Variants in GNAQ observed in about 807,000 individuals in gnomAD.
GNAQ encodes G protein subunit alpha q.
GNAQ carries 8 observed loss-of-function variants against 43.9 expected under a neutral mutation model. That is an observed-to-expected ratio of 0.18 (90% CI 0.11 to 0.33). The LOEUF (loss-of-function observed/expected upper bound fraction) is 0.33. Among genes scored for constraint, GNAQ ranks in the 10% least tolerant of loss-of-function variants. The probability of loss-of-function intolerance (pLI) is 1.00; values close to 1 mark genes in which losing one functional copy is unlikely to be tolerated. For synonymous variants in GNAQ, 155 were observed against 170.7 expected (o/e 0.91, Z 0.71); for missense variants, 158 against 450.8 (o/e 0.35, Z 5.88).
intron 5 of GNAQ, among the ~76,000 whole-genome samples, chr9:77,753,887 A>C (rs898768789): frequency 2.6e-5 from 4 of 152,204 alleles, no homozygotes; most frequent in Non-Finnish European, 5.9e-5. Flanking sequence ...ACATTAAATT[A>C]CCCTGTGTAC....
chr9:77,777,007 A>C (rs1826314972), intron 5 of GNAQ, among the ~76,000 whole-genome samples: 1 of 152,110 alleles, frequency 6.6e-6, no homozygotes, highest in Non-Finnish European at 1.5e-5. Context: ...ACTACAAAAG[A>C]CAGTGTGGTA....
intron 1 of GNAQ, among the ~76,000 whole-genome samples, chr9:77,958,817 A>G (rs184962983): frequency 6.6e-6 from 1 of 152,286 alleles, no homozygotes; most frequent in Admixed American, 6.5e-5. Flanking sequence ...ACCACCAGCT[A>G]TGCAAAACAA....
At chr9:77,986,555 G>C (rs1288377185) in intron 1 of GNAQ, among the ~76,000 whole-genome samples, 1 of 152,146 alleles carries the variant, frequency 6.6e-6, no homozygotes. Context: ...GCCCAGGCTA[G>C]AGTGCAGTGG....
At chr9:78,002,645 C>T (rs575838089) in intron 1 of GNAQ, among the ~76,000 whole-genome samples, 44 of 152,278 alleles carry the variant, frequency 2.9e-4, no homozygotes, top group Non-Finnish European at 2.2e-4. Flanking sequence ...CAATCTTACC[C>T]GCAGGTAAAT....
intron 1 of GNAQ, among the ~76,000 whole-genome samples, chr9:77,999,694 T>C (rs1209876797): frequency 1.3e-5 from 2 of 152,222 alleles, no homozygotes; most frequent in East Asian, 3.8e-4. Flanking sequence ...CCTAGGACTG[T>C]GCTAGGAGCT....
intron 1 of GNAQ, among the ~76,000 whole-genome samples, chr9:77,965,268 CCT>C (rs1316942029): frequency 6.6e-6 from 1 of 152,048 alleles, no homozygotes; most frequent in Admixed American, 6.6e-5. Flanking sequence ...ACGAATCAAC[CCT>C]GTCCCCTCAC....
At chr9:77,774,079 T>C (rs968824643) in intron 5 of GNAQ, among the ~76,000 whole-genome samples, 1 of 152,174 alleles carries the variant, frequency 6.6e-6, no homozygotes, top group Non-Finnish European at 1.5e-5. Flanking sequence ...GTGGTCCACA[T>C]TCCTCTGGCT....
At chr9:77,890,014 A>G (rs1243241396) in intron 2 of GNAQ, among the ~76,000 whole-genome samples, 1 of 152,236 alleles carries the variant, frequency 6.6e-6, no homozygotes, top group African/African-American at 2.4e-5. Context: ...TACTCCTTTT[A>G]TCTACTCGCT....
chr9:77,962,892 C>CAAAAAAAAAAAAAAAAAAA (rs538653191), intron 1 of GNAQ, among the ~76,000 whole-genome samples: 2 of 55,240 alleles, frequency 3.6e-5, no homozygotes, highest in Non-Finnish European at 3.7e-5. Context: ...AACTTAGTCT[C>CAAAAAAAAAAAAAAAAAAA]AAAAAAAAAA....
Position 77,716,690 on chromosome 9 carries a change from T to C in GNAQ, c.*4633A>G. The C allele has an allele frequency of 4.3e-6, 1 of 232,976 alleles. No individual in the cohort carries two copies. 14.4% of individuals were successfully genotyped at this position (232,976 alleles called of 1,614,324 possible). On this transcript the variant is annotated 3_prime_UTR_variant, in exon 7 of 7. Transcript: ENST00000286548. The stretch of plus-strand genomic sequence containing the variant: ...TTTTTCTGTCTACCAAAAGCTTATA[T>C]AAAAGTCAGAATTTCTTTATCCAAG...
At chr9:77,916,507 T>G (rs746855202) in intron 2 of GNAQ, among the ~76,000 whole-genome samples, 32 of 152,282 alleles carry the variant, frequency 2.1e-4, no homozygotes, top group Admixed American at 8.5e-4. Flanking sequence ...ATTCAGGAAG[T>G]ACAGAAAATT....
intron 2 of GNAQ, among the ~76,000 whole-genome samples, chr9:77,874,256 G>A (rs991235218): frequency 2.0e-5 from 3 of 152,056 alleles, no homozygotes; most frequent in African/African-American, 7.2e-5. Flanking sequence ...GCTTCCCTTG[G>A]GTAAGTCCAT....
At chr9:77,970,378 T>C (rs1482996074) in intron 1 of GNAQ, among the ~76,000 whole-genome samples, 1 of 152,156 alleles carries the variant, frequency 6.6e-6, no homozygotes, top group Non-Finnish European at 1.5e-5. Flanking sequence ...TTCAGTGTTA[T>C]CAAAAAGTTA....
chr9:77,972,991 G>A, intron 1 of GNAQ, among the ~76,000 whole-genome samples: 2 of 140,364 alleles, frequency 1.4e-5, no homozygotes, highest in Admixed American at 7.1e-5. Flanking sequence ...AAGTAAAAAG[G>A]AGAAGACATT....
At chr9:77,844,003 C>G (rs771406629) in intron 2 of GNAQ, among the ~76,000 whole-genome samples, 2 of 152,142 alleles carry the variant, frequency 1.3e-5, no homozygotes, top group African/African-American at 4.8e-5. Flanking sequence ...CAATAAGTGC[C>G]AAATTACTCT....
At position 77,837,440 on chromosome 9, in the gene GNAQ, G is replaced by A. The variant is rs144986796; in HGVS notation, c.322-21670C>T. On this transcript the variant is annotated intron_variant, in intron 2 of 6. Coordinates refer to ENST00000286548, the MANE Select transcript of GNAQ (RefSeq NM_002072.5). ...GAGGTGGTGCTCACCTGTAATCCCA[G>A]CTACTCGGGTGGCTGAAGCAGGAGA... is the stretch of plus-strand genomic sequence containing the variant. Among the ~76,000 whole-genome samples the A allele has an allele frequency of 5.0e-3, 766 of 152,208 alleles. 6 individuals are homozygous for A. The highest frequency in any genetic ancestry group is 0.016 in the South Asian group (79 of 4,826).
chr9:77,955,752 C>T (rs1181162905), intron 1 of GNAQ, among the ~76,000 whole-genome samples: 1 of 152,190 alleles, frequency 6.6e-6, no homozygotes, highest in Admixed American at 6.5e-5. Context: ...TTTAGCTTTA[C>T]AGGAACATTA....
At chr9:77,994,762 C>T (rs896840892) in intron 1 of GNAQ, among the ~76,000 whole-genome samples, 4 of 152,138 alleles carry the variant, frequency 2.6e-5, no homozygotes, top group Admixed American at 6.5e-5. Flanking sequence ...AATTAGTTAC[C>T]TCCTATAAAG....
intron 1 of GNAQ, among the ~76,000 whole-genome samples, chr9:78,024,261 A>C (rs1282471667): frequency 1.3e-5 from 2 of 152,174 alleles, no homozygotes; most frequent in East Asian, 3.9e-4. Context: ...CATCTTTAAA[A>C]CGGAATTCCT....
Sources: gnomAD v4.1 joint callset for allele counts (sites outside exome capture counted in the v4.1 genomes callset) on GRCh38, gnomAD v4.1.1 for gene constraint, MANE v1.5 for transcripts, NCBI Gene and HGNC (gene_info 2026-07-23, HGNC 2026-07-21) for gene names.